TTC28: variants seen among roughly 807,000 people sequenced by gnomAD.
The protein encoded by TTC28 is tetratricopeptide repeat domain 28.
A neutral mutation model predicts 198.0 loss-of-function variants in TTC28; 61 were observed. The ratio of observed to expected loss-of-function variants is 0.31; its 90% CI spans 0.25 to 0.38. The LOEUF (loss-of-function observed/expected upper bound fraction) is 0.38. Among genes scored for constraint, TTC28 ranks in the 10% least tolerant of loss-of-function variants. The pLI is 1.00. For missense variants in TTC28, 2,678 were observed against 3,164.0 expected, an observed-to-expected ratio of 0.85 and a Z score of 3.69; for synonymous variants, 1,171 against 1,297.8, an observed-to-expected ratio of 0.90 and a Z score of 2.10.
Position 27,992,614 on chromosome 22 carries a change from G to T in TTC28, c.5526C>A (p.Ser1842=). The T allele has an allele frequency of 2.6e-6, 4 of 1,551,588 alleles. No individual in the cohort carries two copies. The highest frequency in any genetic ancestry group is 3.5e-6 in the Non-Finnish European group (4 of 1,146,966). The change falls in exon 19 of 23, where the codon TCC becomes TCA. Residue 1842 remains serine (S), a synonymous_variant. Coordinates refer to ENST00000397906, the MANE Select transcript of TTC28 (RefSeq NM_001145418.2). ...LQALCKLITA[S]ETGEQLISRA... Reference sequence around the variant, plus strand: ...GGCTGATGAGCTGCTCGCCCGTCTCGGAGGCAGTGATGAGTTTGCAAAGGG... The same window carrying T: ...GGCTGATGAGCTGCTCGCCCGTCTCTGAGGCAGTGATGAGTTTGCAAAGGG...
intron 2 of TTC28, among the ~76,000 whole-genome samples, chr22:28,626,004 T>C (rs1180098711): frequency 6.6e-6 from 1 of 152,176 alleles, no homozygotes; most frequent in Non-Finnish European, 1.5e-5. Context: ...AAATTAACTT[T>C]GACTCTTATC....
intron 2 of TTC28, among the ~76,000 whole-genome samples, chr22:28,598,639 C>A (rs1004566394): frequency 2.0e-5 from 3 of 150,214 alleles, no homozygotes; most frequent in African/African-American, 7.4e-5. Context: ...ATTTAGTAAA[C>A]GGTGATGACA....
At chr22:28,211,421 T>C (rs1423619655) in intron 5 of TTC28, among the ~76,000 whole-genome samples, 2 of 151,592 alleles carry the variant, frequency 1.3e-5, no homozygotes, top group Admixed American at 1.3e-4. Flanking sequence ...AGGCTCAAAA[T>C]AAAGGGATGG....
At chr22:28,044,127 C>T (rs1272407594) in intron 12 of TTC28, among the ~76,000 whole-genome samples, 1 of 152,210 alleles carries the variant, frequency 6.6e-6, no homozygotes, top group African/African-American at 2.4e-5. Flanking sequence ...AGGTCAGTCA[C>T]TATCATACAT....
intron 12 of TTC28, among the ~76,000 whole-genome samples, chr22:28,058,487 G>A (rs1381732886): frequency 2.0e-5 from 3 of 151,894 alleles, no homozygotes; most frequent in Non-Finnish European, 1.5e-5. Flanking sequence ...ATATTTCTGG[G>A]ATAAAGCTAC....
intron 21 of TTC28, among the ~76,000 whole-genome samples, chr22:27,989,145 C>G (rs567049269): frequency 9.2e-5 from 14 of 152,286 alleles, no homozygotes; most frequent in African/African-American, 3.4e-4. Context: ...TACAGGTACA[C>G]AGCAATATGT....
chr22:28,528,183 A>G (rs1015156951), intron 2 of TTC28, among the ~76,000 whole-genome samples: 1 of 152,210 alleles, frequency 6.6e-6, no homozygotes, highest in African/African-American at 2.4e-5. Context: ...TTTTAAAATG[A>G]TTATCTTTTC....
chr22:28,516,159 A>T (rs1485685218), intron 2 of TTC28, among the ~76,000 whole-genome samples: 1 of 151,960 alleles, frequency 6.6e-6, no homozygotes, highest in African/African-American at 2.4e-5. Context: ...AAAAAAAAAA[A>T]GCTGAGTGAA....
At chr22:28,479,147 T>C (rs927616746) in intron 2 of TTC28, among the ~76,000 whole-genome samples, 2 of 151,842 alleles carry the variant, frequency 1.3e-5, no homozygotes, top group Non-Finnish European at 2.9e-5. Flanking sequence ...TGTAGATTGG[T>C]TAAATACAAG....
At chr22:28,593,469 CTAGGTAGGTAGGTAGGTAGG>C (rs10542907) in intron 2 of TTC28, among the ~76,000 whole-genome samples, 16 of 148,314 alleles carry the variant, frequency 1.1e-4, no homozygotes, top group South Asian at 2.2e-4. Context: ...AGGTAGGTAG[CTAGGTAGGTAGGTAGGTAGG>C]TAGGTAGGTA....
At chr22:28,041,519 T>G (rs1168535574) in intron 12 of TTC28, among the ~76,000 whole-genome samples, 3 of 152,206 alleles carry the variant, frequency 2.0e-5, no homozygotes, top group Non-Finnish European at 4.4e-5. Flanking sequence ...CTGGGAAAAC[T>G]GGCTAGCCAT....
intron 5 of TTC28, among the ~76,000 whole-genome samples, chr22:28,285,966 C>T (rs2044677601): frequency 6.6e-6 from 1 of 152,022 alleles, no homozygotes; most frequent in Non-Finnish European, 1.5e-5. Context: ...GTAGTTGATC[C>T]ATGAGTGCTC....
At chr22:28,027,847 C>T (rs1938896986) in intron 13 of TTC28, among the ~76,000 whole-genome samples, 2 of 152,240 alleles carry the variant, frequency 1.3e-5, no homozygotes, top group South Asian at 2.1e-4. Context: ...TGTTTTGGCA[C>T]CTGTTCATGG....
chr22:28,432,649 GAAC>G (rs2047450528), intron 2 of TTC28, among the ~76,000 whole-genome samples: 1 of 152,166 alleles, frequency 6.6e-6, no homozygotes. Flanking sequence ...GAAATAATTA[GAAC>G]AATGACAAGC....
At chr22:28,023,526 T>C (rs1346467359) in intron 13 of TTC28, among the ~76,000 whole-genome samples, 3 of 152,244 alleles carry the variant, frequency 2.0e-5, no homozygotes, top group African/African-American at 7.2e-5. Context: ...TGTCCAGCAA[T>C]ACAGCAAAAC....
intron 2 of TTC28, among the ~76,000 whole-genome samples, chr22:28,338,733 C>T (rs1463085992): frequency 6.6e-6 from 1 of 152,142 alleles, no homozygotes; most frequent in Non-Finnish European, 1.5e-5. Flanking sequence ...TCTAGTTAGC[C>T]ATTTGTCTAA....
rs573708181 is a variant in TTC28, at chr22:28,533,309, T to C, written c.381+96243A>G. Among the ~76,000 whole-genome samples, 8 of 152,198 alleles carry C rather than the reference T, an allele frequency of 5.3e-5. No homozygotes were observed. In the South Asian group the frequency reaches 1.0e-3, roughly 20 times the overall value. On this transcript the variant is annotated intron_variant, in intron 2 of 22. Coordinates refer to ENST00000397906, the MANE Select transcript of TTC28 (RefSeq NM_001145418.2). ...ATCATGAGCGAACTCCCATTCACAATTGCTTCAAAGAGAATAAAATACCTA... is the reference window on the plus strand; with the variant it reads ...ATCATGAGCGAACTCCCATTCACAACTGCTTCAAAGAGAATAAAATACCTA...
At chr22:28,111,299 C>T (rs945368612) in intron 6 of TTC28, among the ~76,000 whole-genome samples, 1 of 152,084 alleles carries the variant, frequency 6.6e-6, no homozygotes, top group South Asian at 2.1e-4. Flanking sequence ...CACCAGGATC[C>T]TTGCTGGAAG....
intron 2 of TTC28, among the ~76,000 whole-genome samples, chr22:28,584,219 A>G (rs1261768430): frequency 2.0e-5 from 3 of 151,748 alleles, no homozygotes; most frequent in East Asian, 1.9e-4. Context: ...CTTTATTTCA[A>G]CATAATTCCT....
Sources: gnomAD v4.1 joint callset for allele counts (sites outside exome capture counted in the v4.1 genomes callset) on GRCh38, gnomAD v4.1.1 for gene constraint, MANE v1.5 for transcripts, NCBI Gene and HGNC (gene_info 2026-07-23, HGNC 2026-07-21) for gene names.